Variants in CSMD1 observed in about 807,000 individuals in gnomAD.
CSMD1 encodes CUB and Sushi multiple domains 1, also known as CUB and sushi domain-containing protein 1.
Under a neutral mutation model 417.5 loss-of-function variants are expected in CSMD1, and 213 were observed. The observed-to-expected ratio is 0.51, with a 90% CI of 0.46 to 0.57. The LOEUF (loss-of-function observed/expected upper bound fraction) is 0.57, where lower values mean the gene tolerates loss of function less well. Ranked by LOEUF, CSMD1 falls within the 20% of genes least tolerant of loss-of-function variation. CSMD1 has a pLI of 0.00. For synonymous variants in CSMD1, 2,862 were observed against 1,736.8 expected (o/e 1.65, Z -16.11); for missense variants, 6,923 against 4,529.7 (o/e 1.53, Z -15.17).
intron 2 of CSMD1, among the ~76,000 whole-genome samples, chr8:4,627,524 T>C (rs1181390427): frequency 1.3e-5 from 2 of 152,162 alleles, no homozygotes; most frequent in East Asian, 3.8e-4. Context: ...ATAAAATAAC[T>C]ATTTCATTTC....
intron 2 of CSMD1, among the ~76,000 whole-genome samples, chr8:4,591,783 G>T (rs1799995853): frequency 6.6e-6 from 1 of 152,092 alleles, no homozygotes; most frequent in Admixed American, 6.5e-5. Context: ...GCGTATTGAG[G>T]GGAATGTACT....
At chr8:4,792,731 T>A (rs1021282956) in intron 1 of CSMD1, among the ~76,000 whole-genome samples, 1 of 152,190 alleles carries the variant, frequency 6.6e-6, no homozygotes, top group Non-Finnish European at 1.5e-5. Context: ...AGAAGCTGCA[T>A]TCAATTACAC....
intron 5 of CSMD1, among the ~76,000 whole-genome samples, chr8:3,945,224 A>G (rs1483513245): frequency 1.3e-5 from 2 of 151,542 alleles, no homozygotes; most frequent in African/African-American, 4.8e-5. Flanking sequence ...CTTCTGGAAA[A>G]TTGTCTTTAG....
chr8:4,532,002 C>T (rs899881749), intron 2 of CSMD1, among the ~76,000 whole-genome samples: 2 of 150,198 alleles, frequency 1.3e-5, no homozygotes, highest in Non-Finnish European at 3.0e-5. Flanking sequence ...CCTGCACCCC[C>T]ATTCAGTCAC....
intron 12 of CSMD1, among the ~76,000 whole-genome samples, chr8:3,416,882 A>C (rs1563367434): frequency 6.6e-6 from 1 of 152,200 alleles, no homozygotes; most frequent in African/African-American, 2.4e-5. Flanking sequence ...CCACTTATGA[A>C]AGTTCTTTGT....
chr8:3,429,829 C>A (rs1256830918), intron 12 of CSMD1, among the ~76,000 whole-genome samples: 1 of 152,086 alleles, frequency 6.6e-6, no homozygotes, highest in East Asian at 1.9e-4. Flanking sequence ...TCCCACCTCC[C>A]CCACAAAAAT....
At chr8:4,612,152 G>A (rs539139266) in intron 2 of CSMD1, among the ~76,000 whole-genome samples, 1 of 152,240 alleles carries the variant, frequency 6.6e-6, no homozygotes, top group South Asian at 2.1e-4. Flanking sequence ...GACCTGATCG[G>A]AGACGGTCGG....
chr8:4,119,822 A>G (rs551460656), intron 3 of CSMD1, among the ~76,000 whole-genome samples: 1 of 152,350 alleles, frequency 6.6e-6, no homozygotes, highest in Admixed American at 6.5e-5. Flanking sequence ...TTATGATTTT[A>G]AAACTCCTAC....
rs193198814 is a variant in CSMD1, at chr8:4,795,891, G to C, written c.86-158333C>G. Among the ~76,000 whole-genome samples, 20 of 152,206 alleles carry C rather than the reference G, an allele frequency of 1.3e-4. No individual in the cohort carries two copies. In the East Asian group the frequency reaches 2.9e-3, roughly 22 times the overall value. ...CCATGAGGTGTTGTTCTCATGTTAA[G>C]GTAGACTGAAAATATTGCCACTAAG... On this transcript the variant is annotated intron_variant, in intron 1 of 69. Coordinates refer to ENST00000635120, the MANE Select transcript of CSMD1 (RefSeq NM_033225.6).
rs145960294 is a variant in CSMD1 at position 4,302,326 on chromosome 8, AAAT to A, written c.415+117624_415+117626del. Among the ~76,000 whole-genome samples the A allele has an allele frequency of 5.2e-3, 795 of 152,296 alleles. 10 individuals carry two copies. Among genetic ancestry groups the A allele is most frequent in the African/African-American group, 0.018 (731 of 41,552 alleles). On this transcript the variant is annotated intron_variant, in intron 3 of 69. Transcript: ENST00000635120. ...TTAACTCATTAGCTAATAACTGTAA[AAAT>A]AATAACAATAATAGTGATTCATAGT...
chr8:3,822,659 A>G (rs903743078), intron 5 of CSMD1, among the ~76,000 whole-genome samples: 3 of 152,088 alleles, frequency 2.0e-5, no homozygotes, highest in Admixed American at 6.5e-5. Flanking sequence ...GTCTTCATTT[A>G]TGTCTTCTCA....
chr8:3,842,270 ATCT>A (rs1161915509), intron 5 of CSMD1, among the ~76,000 whole-genome samples: 1 of 151,948 alleles, frequency 6.6e-6, no homozygotes, highest in African/African-American at 2.4e-5. Context: ...CTAATTCCCA[ATCT>A]TCTTATGAGG....
At chr8:4,816,262 G>A (rs570428516) in intron 1 of CSMD1, among the ~76,000 whole-genome samples, 8 of 152,078 alleles carry the variant, frequency 5.3e-5, no homozygotes, top group Middle Eastern at 3.4e-3. Context: ...TTGGCTCACT[G>A]CAAACTCTGC....
intron 31 of CSMD1, 88 bp from the exon 32 acceptor site, chr8:3,201,813 C>A: frequency 1.7e-6 from 1 of 605,782 alleles, no homozygotes; most frequent in South Asian, 2.8e-5. Flanking sequence ...CTATTAATTG[C>A]CCCAATGGAT....
At chr8:4,898,901 G>C (rs1804680334) in intron 1 of CSMD1, among the ~76,000 whole-genome samples, 2 of 152,068 alleles carry the variant, frequency 1.3e-5, no homozygotes, top group South Asian at 2.1e-4. Context: ...ATTATTTATC[G>C]TTTAATAAGA....
intron 8 of CSMD1, among the ~76,000 whole-genome samples, chr8:3,591,715 T>C (rs541732951): frequency 7.9e-5 from 12 of 152,094 alleles, no homozygotes; most frequent in Non-Finnish European, 1.3e-4. Context: ...AGATAGATGA[T>C]AGAGAGATTA....
intron 5 of CSMD1, among the ~76,000 whole-genome samples, chr8:3,897,340 T>C (rs988561798): frequency 3.3e-5 from 5 of 152,218 alleles, no homozygotes; most frequent in African/African-American, 9.6e-5. Context: ...GTTTCTCTTA[T>C]AAGCAGTGTG....
At chr8:3,348,246 G>C (rs1411392604) in intron 21 of CSMD1, 85 bp from the exon 22 acceptor site, 4 of 933,352 alleles carry the variant, frequency 4.3e-6, no homozygotes, top group Non-Finnish European at 6.5e-6. Context: ...AATCATGATA[G>C]CCTCCTCTTC....
intron 5 of CSMD1, among the ~76,000 whole-genome samples, chr8:3,967,968 C>G (rs1283560661): frequency 7.0e-6 from 1 of 143,738 alleles, no homozygotes; most frequent in African/African-American, 2.6e-5. Context: ...GAGATCGAGA[C>G]CATCCTGGCC....
Sources: gnomAD v4.1 joint callset for allele counts (sites outside exome capture counted in the v4.1 genomes callset) on GRCh38, gnomAD v4.1.1 for gene constraint, MANE v1.5 for transcripts, NCBI Gene and HGNC (gene_info 2026-07-23, HGNC 2026-07-21) for gene names.